The following TEKTIP1 variants were observed in gnomAD, a reference collection of about 807,000 sequenced individuals.
The protein encoded by TEKTIP1 is tektin bundle-interacting protein 1.
the TEKTIP1 span, chr19:3,541,831 C>CAG: frequency 1.0e-6 from 1 of 977,244 alleles, no homozygotes; most frequent in Non-Finnish European, 1.2e-6. Flanking sequence ...TGTGTTGAGA[C>CAG]AGAGTCTCGC....
chr19:3,544,024 G>C, the TEKTIP1 span: 36 of 1,524,122 alleles, frequency 2.4e-5, no homozygotes, highest in East Asian at 2.7e-4. Context: ...CATGCTACCA[G>C]GATGCACCCA....
chr19:3,542,401 C>T, the TEKTIP1 span: 3 of 985,272 alleles, frequency 3.0e-6, no homozygotes. Context: ...GGGCCAGCAA[C>T]CTTGTTTTCT....
At chr19:3,541,362 G>T in the TEKTIP1 span, among the ~76,000 whole-genome samples, 1 of 150,894 alleles carries the variant, frequency 6.6e-6, no homozygotes, top group Non-Finnish European at 1.5e-5. Flanking sequence ...TCGCTCGGTT[G>T]CCCAGGCTGG....
chr19:3,542,844 G>A, the TEKTIP1 span: 3 of 1,378,850 alleles, frequency 2.2e-6, no homozygotes, highest in African/African-American at 1.5e-5. Flanking sequence ...ACTTCTTCCT[G>A]GTGCACCTCC....
chr19:3,543,697 G>A, the TEKTIP1 span: 28 of 1,518,952 alleles, frequency 1.8e-5, no homozygotes, highest in Non-Finnish European at 2.4e-5. Flanking sequence ...CTAGGTGCAG[G>A]GTGGGTCCTT....
At chr19:3,541,461 T>C in the TEKTIP1 span, 1 of 154,482 alleles carries the variant, frequency 6.5e-6, no homozygotes, top group South Asian at 2.1e-4. Context: ...TAGCTGGGAT[T>C]ACAGGCACCC....
At chr19:3,543,097 C>T in the TEKTIP1 span, 1 of 1,551,226 alleles carries the variant, frequency 6.4e-7, no homozygotes, top group East Asian at 2.4e-5. Flanking sequence ...GGCTGAAGGA[C>T]AGACTCCAAG....
chr19:3,543,442 C>G, the TEKTIP1 span: 1 of 1,545,312 alleles, frequency 6.5e-7, no homozygotes, highest in Non-Finnish European at 8.7e-7. Flanking sequence ...GGCACAGCTG[C>G]TACCAACACC....
At chr19:3,540,290 C>T in the TEKTIP1 span, among the ~76,000 whole-genome samples, 3 of 150,810 alleles carry the variant, frequency 2.0e-5, no homozygotes, top group Non-Finnish European at 3.0e-5. Flanking sequence ...CGGAGTCTCA[C>T]TCTTGTCGCA....
the TEKTIP1 span, chr19:3,539,744 T>A: frequency 6.2e-6 from 1 of 161,970 alleles, no homozygotes; most frequent in East Asian, 1.8e-4. Flanking sequence ...TTCGGGGCCA[T>A]CCTAACACGG....
the TEKTIP1 span, chr19:3,539,823 A>G: frequency 6.5e-6 from 1 of 153,388 alleles, no homozygotes; most frequent in Non-Finnish European, 1.5e-5. Flanking sequence ...GGCTCTGGGC[A>G]GATGTGATTT....
the TEKTIP1 span, chr19:3,542,300 G>A: frequency 1.0e-6 from 1 of 985,378 alleles, no homozygotes; most frequent in African/African-American, 1.7e-5. Context: ...AGTCTAGTCA[G>A]GATTTAAGCA....
the TEKTIP1 span, chr19:3,541,772 G>C: frequency 7.1e-6 from 7 of 985,244 alleles, no homozygotes; most frequent in African/African-American, 1.7e-5. Flanking sequence ...GCCGACAGCA[G>C]GGGTGAGGGG....
chr19:3,543,282 G>C, the TEKTIP1 span: 2 of 1,548,162 alleles, frequency 1.3e-6, no homozygotes, highest in Non-Finnish European at 1.7e-6. Flanking sequence ...CCAGCCATCA[G>C]GCAGGCCACA....
At chr19:3,541,864 A>G in the TEKTIP1 span, 2 of 918,406 alleles carry the variant, frequency 2.2e-6, no homozygotes, top group Non-Finnish European at 2.6e-6. Context: ...GCTGGAGTGC[A>G]GTGACGCAAT....
chr19:3,543,040 G>C, the TEKTIP1 span: 1 of 1,606,128 alleles, frequency 6.2e-7, no homozygotes, highest in African/African-American at 1.3e-5. Context: ...GGGAGAGGGG[G>C]AGTCAGCCTC....
At chr19:3,542,503 T>C in the TEKTIP1 span, 1 of 966,946 alleles carries the variant, frequency 1.0e-6, no homozygotes, top group Non-Finnish European at 1.2e-6. Context: ...AGACAGAGTC[T>C]CACTCTGTTG....
At chr19:3,542,893 C>G in the TEKTIP1 span, 1 of 1,410,788 alleles carries the variant, frequency 7.1e-7, no homozygotes, top group Non-Finnish European at 9.5e-7. Flanking sequence ...ACTTGTGGGT[C>G]TTGGAGGCTG....
the TEKTIP1 span, among the ~76,000 whole-genome samples, chr19:3,540,483 C>G: frequency 1.3e-5 from 2 of 150,870 alleles, no homozygotes; most frequent in East Asian, 4.1e-4. Context: ...GTCTCGATCT[C>G]CTGACCTCAT....
Sources: gnomAD v4.1 joint callset for allele counts (sites outside exome capture counted in the v4.1 genomes callset) on GRCh38, gnomAD v4.1.1 for gene constraint, MANE v1.5 for transcripts, NCBI Gene and HGNC (gene_info 2026-07-23, HGNC 2026-07-21) for gene names.